The following ARFIP1 variants were observed in gnomAD, a reference collection of about 807,000 sequenced individuals.
ARFIP1 encodes arfaptin-1.
In ARFIP1, 24 loss-of-function variants were observed where a neutral mutation model predicts 42.5. The ratio of observed to expected loss-of-function variants is 0.57; its 90% CI spans 0.41 to 0.80. The LOEUF is 0.80. ARFIP1 is among the 30% of genes least tolerant of loss of function. ARFIP1 has a pLI of 0.00. For synonymous variants in ARFIP1, 141 were observed against 153.7 expected, an observed-to-expected ratio of 0.92 and a Z score of 0.61; for missense variants, 354 against 434.0, an observed-to-expected ratio of 0.82 and a Z score of 1.64.
intron 1 of ARFIP1, among the ~76,000 whole-genome samples, chr4:152,822,296 T>TAAAAAAAAAAAAAAAAA (rs70949618): frequency 4.3e-4 from 28 of 65,530 alleles, no homozygotes; most frequent in East Asian, 8.8e-4. Context: ...GCAACAGCAG[T>TAAAAAAAAAAAAAAAAA]AAAAAAAAAA....
At chr4:152,881,997 T>G (rs1461723706) in intron 6 of ARFIP1, among the ~76,000 whole-genome samples, 1 of 152,168 alleles carries the variant, frequency 6.6e-6, no homozygotes, top group Non-Finnish European at 1.5e-5. Context: ...TGTGATCGGT[T>G]TTTTATTTGG....
chr4:152,906,730 A>G (rs985453991), intron 8 of ARFIP1, among the ~76,000 whole-genome samples: 1 of 152,160 alleles, frequency 6.6e-6, no homozygotes, highest in African/African-American at 2.4e-5. Context: ...CTTTTTAATG[A>G]TATCTAAGGG....
chr4:152,886,233 A>G (rs1012254494), intron 7 of ARFIP1, among the ~76,000 whole-genome samples: 1 of 151,894 alleles, frequency 6.6e-6, no homozygotes, highest in Non-Finnish European at 1.5e-5. Flanking sequence ...CTCTTACACT[A>G]CCACCAGGGT....
intron 2 of ARFIP1, among the ~76,000 whole-genome samples, chr4:152,858,071 C>T (rs1578947335): frequency 6.6e-6 from 1 of 152,148 alleles, no homozygotes; most frequent in South Asian, 2.1e-4. Flanking sequence ...ACGGGCGAAT[C>T]ACTTGAGTTC....
At chr4:152,874,851 G>A (rs902123574) in intron 5 of ARFIP1, among the ~76,000 whole-genome samples, 3 of 152,008 alleles carry the variant, frequency 2.0e-5, no homozygotes, top group Admixed American at 6.6e-5. Flanking sequence ...TTTGTGGAGA[G>A]CGAGTCTCCC....
intron 2 of ARFIP1, among the ~76,000 whole-genome samples, chr4:152,860,465 C>A (rs985895077): frequency 3.9e-5 from 6 of 152,174 alleles, no homozygotes; most frequent in African/African-American, 1.4e-4. Flanking sequence ...TGTTTGCCTT[C>A]TGAAACTCCA....
chr4:152,835,413 A>C (rs576954546), intron 2 of ARFIP1, among the ~76,000 whole-genome samples: 127 of 152,346 alleles, frequency 8.3e-4, no homozygotes, highest in African/African-American at 3.0e-3. Flanking sequence ...ACATGAATGC[A>C]GTGCAGCCAA....
chr4:152,890,371 A>G (rs565674937), intron 8 of ARFIP1, among the ~76,000 whole-genome samples: 4 of 152,308 alleles, frequency 2.6e-5, no homozygotes, highest in South Asian at 4.1e-4. Flanking sequence ...TTAAATGTCA[A>G]TCAGATGAAT....
At chr4:152,866,902 G>A (rs557297551) in intron 3 of ARFIP1, among the ~76,000 whole-genome samples, 53 of 151,598 alleles carry the variant, frequency 3.5e-4, no homozygotes, top group African/African-American at 1.1e-3. Context: ...GATGATGGGC[G>A]GCCGGGCAGA....
intron 8 of ARFIP1, among the ~76,000 whole-genome samples, chr4:152,891,975 T>C (rs1409443900): frequency 6.6e-6 from 1 of 152,186 alleles, no homozygotes; most frequent in Admixed American, 6.6e-5. Context: ...CCCAAAGTGC[T>C]GGGATTACAG....
chr4:152,899,568 G>A (rs1184780894), intron 8 of ARFIP1, among the ~76,000 whole-genome samples: 2 of 152,294 alleles, frequency 1.3e-5, no homozygotes, highest in Middle Eastern at 3.4e-3. Context: ...GATCAGATGG[G>A]AAGTTATGAT....
At chr4:152,889,082 T>G (rs1443311920) in intron 8 of ARFIP1, among the ~76,000 whole-genome samples, 2 of 152,152 alleles carry the variant, frequency 1.3e-5, no homozygotes, top group African/African-American at 4.8e-5. Context: ...TCACATCCTG[T>G]GAAGTCATGA....
At chr4:152,820,888 C>T (rs1208128498) in intron 1 of ARFIP1, among the ~76,000 whole-genome samples, 1 of 152,188 alleles carries the variant, frequency 6.6e-6, no homozygotes, top group African/African-American at 2.4e-5. Flanking sequence ...ACAGAGTCTT[C>T]ACCACTGAAA....
At chr4:152,781,869 G>A (rs1730518591) in intron 1 of ARFIP1, among the ~76,000 whole-genome samples, 1 of 152,194 alleles carries the variant, frequency 6.6e-6, no homozygotes, top group Non-Finnish European at 1.5e-5. Flanking sequence ...ACAACTTTCA[G>A]GGGTCTTCCT....
Position 152,888,211 on chromosome 4 carries a change from T to C in ARFIP1, c.870T>C (p.Ile290=), listed in dbSNP as rs942598070. The change falls in exon 8 of 9, where the codon ATT becomes ATC. Residue 290 remains isoleucine (I), a synonymous_variant. Transcript: ENST00000353617. Reference sequence around the variant, plus strand: ...GTGACGCAAACACTCTGCCAAAGATTGAGCAGTCACAGCATCTCTTCCAAG... The same window carrying C: ...GTGACGCAAACACTCTGCCAAAGATCGAGCAGTCACAGCATCTCTTCCAAG... The part of the protein sequence containing the change: ...GPRDANTLPK[I]EQSQHLFQAH... The C allele has an allele frequency of 8.7e-5, 141 of 1,612,152 alleles. No individual in the cohort carries two copies. Among genetic ancestry groups the C allele is most frequent in the Non-Finnish European group, 1.2e-4 (138 of 1,179,050 alleles).
chr4:152,879,253 A>G (rs966093884), intron 5 of ARFIP1, among the ~76,000 whole-genome samples: 1 of 152,180 alleles, frequency 6.6e-6, no homozygotes, highest in African/African-American at 2.4e-5. Context: ...GTAGAAAAAT[A>G]TATAAGCAGA....
chr4:152,795,854 G>C (rs13123315), intron 1 of ARFIP1, among the ~76,000 whole-genome samples: 1 of 18,596 alleles, frequency 5.4e-5, no homozygotes, highest in Non-Finnish European at 1.1e-4. Flanking sequence ...TTTTTTTTTG[G>C]TGAATTGACT....
intron 8 of ARFIP1, among the ~76,000 whole-genome samples, chr4:152,894,714 CTG>C: frequency 6.6e-6 from 1 of 152,202 alleles, no homozygotes; most frequent in East Asian, 1.9e-4. Context: ...CCTTTCAACA[CTG>C]TGCCAAATAT....
intron 2 of ARFIP1, among the ~76,000 whole-genome samples, chr4:152,855,847 A>G (rs929306220): frequency 1.2e-4 from 19 of 152,130 alleles, no homozygotes; most frequent in African/African-American, 4.6e-4. Flanking sequence ...CCTCTTTCCC[A>G]TATTGGGAAG....
Sources: allele counts gnomAD v4.1 joint callset (sites outside exome capture counted in the v4.1 genomes callset), GRCh38; gene constraint gnomAD v4.1.1; transcripts MANE v1.5; gene names NCBI Gene and HGNC (gene_info 2026-07-23, HGNC 2026-07-21).